Variants in TOP6BL observed in about 807,000 individuals in gnomAD.
TOP6BL encodes type 2 DNA topoisomerase 6 subunit B-like.
At chr11:66,791,736 T>C in the TOP6BL span, among the ~76,000 whole-genome samples, 1 of 152,146 alleles carries the variant, frequency 6.6e-6, no homozygotes, top group African/African-American at 2.4e-5. Context: ...TCTGTAGGTA[T>C]GTCAGGCTGG....
the TOP6BL span, among the ~76,000 whole-genome samples, chr11:66,795,448 CA>C: frequency 6.6e-6 from 1 of 151,838 alleles, no homozygotes. Flanking sequence ...ATTGCAGGCG[CA>C]TGCCACCACA....
the TOP6BL span, chr11:66,821,899 G>A: frequency 2.8e-6 from 3 of 1,083,564 alleles, no homozygotes; most frequent in East Asian, 2.6e-5. Context: ...GGGTGATCTT[G>A]TAACACTGCA....
At chr11:66,789,386 C>T in the TOP6BL span, among the ~76,000 whole-genome samples, 1 of 152,134 alleles carries the variant, frequency 6.6e-6, no homozygotes, top group Non-Finnish European at 1.5e-5. Context: ...TTGGTGGAGA[C>T]ATAACGAATT....
At chr11:66,805,073 A>C in the TOP6BL span, among the ~76,000 whole-genome samples, 1 of 151,844 alleles carries the variant, frequency 6.6e-6, no homozygotes, top group African/African-American at 2.4e-5. Flanking sequence ...GTCTCAAAAA[A>C]ATAAATTAAT....
chr11:66,835,137 T>C, the TOP6BL span, among the ~76,000 whole-genome samples: 2 of 151,884 alleles, frequency 1.3e-5, no homozygotes, highest in Non-Finnish European at 2.9e-5. Context: ...GAATGAAGGG[T>C]GTGCAAGGCT....
the TOP6BL span, among the ~76,000 whole-genome samples, chr11:66,802,524 C>T: frequency 6.6e-6 from 1 of 151,988 alleles, no homozygotes; most frequent in Non-Finnish European, 1.5e-5. Flanking sequence ...TGTCAAACTC[C>T]TGGACTCAAG....
chr11:66,774,970 A>G, the TOP6BL span, among the ~76,000 whole-genome samples: 2 of 151,502 alleles, frequency 1.3e-5, no homozygotes, highest in Admixed American at 6.6e-5. Flanking sequence ...AAAATTAGCC[A>G]GGCATGGTGG....
chr11:66,766,088 A>T, the TOP6BL span, among the ~76,000 whole-genome samples: 1 of 152,150 alleles, frequency 6.6e-6, no homozygotes, highest in Non-Finnish European at 1.5e-5. Context: ...GATGCTAAAA[A>T]ATTGTGTATC....
the TOP6BL span, among the ~76,000 whole-genome samples, chr11:66,776,187 T>C: frequency 1.3e-5 from 2 of 151,860 alleles, no homozygotes; most frequent in East Asian, 2.0e-4. Context: ...GCCTCCTGAG[T>C]AGCTGAGACT....
the TOP6BL span, among the ~76,000 whole-genome samples, chr11:66,808,445 T>C: frequency 6.6e-6 from 1 of 152,048 alleles, no homozygotes; most frequent in Non-Finnish European, 1.5e-5. Context: ...GGAAGATTGC[T>C]TGAGCACAGG....
the TOP6BL span, among the ~76,000 whole-genome samples, chr11:66,812,958 C>T: frequency 2.0e-5 from 3 of 152,112 alleles, no homozygotes; most frequent in Non-Finnish European, 2.9e-5. Flanking sequence ...GGTTAAGAAA[C>T]CCTGGGTTAC....
chr11:66,839,993 C>G, the TOP6BL span, among the ~76,000 whole-genome samples: 1 of 152,114 alleles, frequency 6.6e-6, no homozygotes, highest in African/African-American at 2.4e-5. Flanking sequence ...TTTGCCGCCT[C>G]CAAAGCCCAT....
At chr11:66,807,363 G>A in the TOP6BL span, among the ~76,000 whole-genome samples, 1,131 of 152,284 alleles carry the variant, frequency 7.4e-3, 10 homozygotes, top group South Asian at 0.019. Flanking sequence ...CCTGAGGTCA[G>A]GAGTTCGAGA....
the TOP6BL span, among the ~76,000 whole-genome samples, chr11:66,841,944 G>C: frequency 6.6e-6 from 1 of 152,208 alleles, no homozygotes; most frequent in Non-Finnish European, 1.5e-5. Flanking sequence ...CAGGAGTGGT[G>C]ACTTATGCCT....
At chr11:66,752,916 C>G in the TOP6BL span, among the ~76,000 whole-genome samples, 1 of 152,036 alleles carries the variant, frequency 6.6e-6, no homozygotes, top group Non-Finnish European at 1.5e-5. Flanking sequence ...ATTGCCTGAG[C>G]TCAGGAGTTT....
the TOP6BL span, among the ~76,000 whole-genome samples, chr11:66,791,747 G>T: frequency 1.3e-5 from 2 of 151,856 alleles, no homozygotes; most frequent in African/African-American, 4.8e-5. Context: ...GTCAGGCTGG[G>T]GTACTGGGTC....
chr11:66,790,085 A>C, the TOP6BL span, among the ~76,000 whole-genome samples: 1 of 152,124 alleles, frequency 6.6e-6, no homozygotes, highest in Non-Finnish European at 1.5e-5. Flanking sequence ...ATCCTGGCTA[A>C]CACGGTGAAA....
At chr11:66,751,813 G>A in the TOP6BL span, among the ~76,000 whole-genome samples, 5 of 152,016 alleles carry the variant, frequency 3.3e-5, no homozygotes, top group East Asian at 1.9e-4. Context: ...ATGCAGTTTA[G>A]CCATATAGAA....
At chr11:66,747,226 A>C in the TOP6BL span, among the ~76,000 whole-genome samples, 2 of 151,866 alleles carry the variant, frequency 1.3e-5, no homozygotes, top group Non-Finnish European at 2.9e-5. Flanking sequence ...GTGAGCTACC[A>C]CACCCGGTCG....
Sources: gnomAD v4.1 joint callset for allele counts (sites outside exome capture counted in the v4.1 genomes callset) on GRCh38, gnomAD v4.1.1 for gene constraint, MANE v1.5 for transcripts, NCBI Gene and HGNC (gene_info 2026-07-23, HGNC 2026-07-21) for gene names.